Variants in PAK1 observed in about 807,000 individuals in gnomAD.
The protein encoded by PAK1 is p21 (RAC1) activated kinase 1.
Under a neutral mutation model 67.4 loss-of-function variants are expected in PAK1, and 29 were observed. That is an observed-to-expected ratio of 0.43 (90% CI 0.32 to 0.59). PAK1 has a LOEUF of 0.59. Ranked by LOEUF, PAK1 falls within the 20% of genes least tolerant of loss-of-function variation. The pLI is 0.07. For synonymous variants in PAK1, 223 were observed against 237.4 expected, an observed-to-expected ratio of 0.94 and a Z score of 0.56; for missense variants, 337 against 670.7, an observed-to-expected ratio of 0.50 and a Z score of 5.50.
intron 1 of PAK1, among the ~76,000 whole-genome samples, 198 bp from the exon 2 acceptor site, chr11:77,392,739 C>T (rs560541360): frequency 6.6e-6 from 1 of 152,302 alleles, no homozygotes; most frequent in African/African-American, 2.4e-5. Flanking sequence ...AATGAAAAAT[C>T]ACAATATCTT....
chr11:77,358,030 G>GT (rs1218058391), intron 6 of PAK1, among the ~76,000 whole-genome samples: 1 of 152,138 alleles, frequency 6.6e-6, no homozygotes, highest in Non-Finnish European at 1.5e-5. Flanking sequence ...GATTCTGTTT[G>GT]TAAGTTCTCA....
chr11:77,349,690 T>G (rs1944962792), intron 8 of PAK1: 1 of 162,810 alleles, frequency 6.1e-6, no homozygotes, highest in Non-Finnish European at 1.4e-5. Context: ...TAATTTCCTG[T>G]TCCTGCTTGC....
At chr11:77,351,748 T>TAA (rs368758694) in intron 8 of PAK1, among the ~76,000 whole-genome samples, 14 of 146,568 alleles carry the variant, frequency 9.6e-5, no homozygotes, top group African/African-American at 3.2e-4. Context: ...GTGTATAATT[T>TAA]AAAAAAAAAA....
At chr11:77,392,969 C>A (rs1287925991) in intron 1 of PAK1, among the ~76,000 whole-genome samples, 2 of 152,142 alleles carry the variant, frequency 1.3e-5, no homozygotes, top group African/African-American at 4.8e-5. Flanking sequence ...TCTCTGCCAA[C>A]CTCTAATTTT....
At chr11:77,390,917 T>C (rs944825370) in intron 2 of PAK1, among the ~76,000 whole-genome samples, 1 of 152,164 alleles carries the variant, frequency 6.6e-6, no homozygotes, top group South Asian at 2.1e-4. Context: ...TATTTCTCAT[T>C]TCACTTGTAC....
At chr11:77,426,163 G>A (rs1193253562) in intron 1 of PAK1, among the ~76,000 whole-genome samples, 1 of 149,266 alleles carries the variant, frequency 6.7e-6, no homozygotes, top group Non-Finnish European at 1.5e-5. Context: ...CTAGGAGTCA[G>A]AGGTCTCTGT....
intron 14 of PAK1, among the ~76,000 whole-genome samples, chr11:77,330,526 C>A (rs1203323606): frequency 2.0e-5 from 3 of 152,140 alleles, no homozygotes; most frequent in Non-Finnish European, 2.9e-5. Context: ...CAAAAACAAG[C>A]AATGGGGAAA....
At chr11:77,332,925 C>T in intron 13 of PAK1, 58 bp from the exon 14 acceptor site, 1 of 1,532,182 alleles carries the variant, frequency 6.5e-7, no homozygotes, top group Non-Finnish European at 9.0e-7. Flanking sequence ...TCTTGTTCCC[C>T]ATATACAAGT....
chr11:77,491,005 G>C, the PAK1 span, among the ~76,000 whole-genome samples: 2 of 151,984 alleles, frequency 1.3e-5, no homozygotes, highest in African/African-American at 4.8e-5. Context: ...AGGCCGAAGG[G>C]TCCTCTGCCT....
rs756965990 is a variant in PAK1 at position 77,332,702 on chromosome 11, A to T, written c.1551+28T>A. ...GCCTGGTTTAGTGATTCCCTGAATT[A>T]GGTGCTTCCCTGCATAAGGACAGTT... On this transcript the variant is annotated intron_variant, in intron 14 of 14. Coordinates refer to ENST00000356341, the MANE Select transcript of PAK1 (RefSeq NM_002576.5). The T allele has an allele frequency of 2.5e-6, 4 of 1,598,014 alleles. No homozygotes were observed. The East Asian group carries it at 9.0e-5, about 36-fold the overall frequency.
the PAK1 span, among the ~76,000 whole-genome samples, chr11:77,492,541 CTTTTTTTT>C: frequency 2.1e-4 from 22 of 106,122 alleles, no homozygotes; most frequent in African/African-American, 5.6e-4. Context: ...TGAGGTGGGT[CTTTTTTTT>C]TTTTTTTTTT....
chr11:77,426,078 CTTTTTTTT>C (rs35602138), intron 1 of PAK1, among the ~76,000 whole-genome samples: 1 of 117,238 alleles, frequency 8.5e-6, no homozygotes, highest in Non-Finnish European at 1.7e-5. Flanking sequence ...TTGAAGGCCT[CTTTTTTTT>C]TTTTTTTTTT....
intron 1 of PAK1, among the ~76,000 whole-genome samples, chr11:77,419,675 A>G (rs1955155181): frequency 6.6e-6 from 1 of 152,220 alleles, no homozygotes; most frequent in African/African-American, 2.4e-5. Context: ...ATAACTTTTA[A>G]AACAATATGT....
the PAK1 span, among the ~76,000 whole-genome samples, chr11:77,489,433 C>T: frequency 1.3e-5 from 2 of 151,494 alleles, no homozygotes; most frequent in Non-Finnish European, 3.0e-5. Flanking sequence ...TCTCTCCCCT[C>T]TCCCCTCTCC....
chr11:77,414,758 C>A (rs1294828757), intron 1 of PAK1, among the ~76,000 whole-genome samples: 1 of 152,164 alleles, frequency 6.6e-6, no homozygotes, highest in South Asian at 2.1e-4. Flanking sequence ...GGATCACAAA[C>A]CATTGCATTT....
chr11:77,443,326 A>C (rs1956445806), intron 1 of PAK1, among the ~76,000 whole-genome samples: 1 of 150,298 alleles, frequency 6.7e-6, no homozygotes, highest in African/African-American at 2.4e-5. Context: ...AAAAAAAAAG[A>C]ATTATACAAA....
upstream of PAK1, chr11:77,475,791 C>T (rs114510540): frequency 1.8e-4 from 28 of 152,320 alleles, no homozygotes; most frequent in African/African-American, 6.7e-4. Context: ...TATCTAATTT[C>T]TTGAGTTCCA....
chr11:77,322,104 G>A lies in PAK1; in HGVS notation c.*1170C>T, dbSNP rs142676310. The A allele has an allele frequency of 6.0e-4, 132 of 218,760 alleles. No individual in the cohort carries two copies. Among genetic ancestry groups the A allele is most frequent in the African/African-American group, 2.8e-3 (127 of 44,610 alleles). The allele number at this position is 218,760 out of a possible 1,614,324, so 13.6% of individuals were successfully genotyped here. A position where few individuals can be genotyped will look rare whatever the true frequency, so the allele number is the denominator to read the frequency against. ...TCAGAGCATGAGAAGGTAGTCAATGGGGCTGACATGACAAGCCACAATGCT... is the reference window on the plus strand; with the variant it reads ...TCAGAGCATGAGAAGGTAGTCAATGAGGCTGACATGACAAGCCACAATGCT... On this transcript the variant is annotated 3_prime_UTR_variant, in exon 15 of 15. Transcript: ENST00000356341.
At chr11:77,507,199 G>A in the PAK1 span, among the ~76,000 whole-genome samples, 1 of 152,164 alleles carries the variant, frequency 6.6e-6, no homozygotes, top group Non-Finnish European at 1.5e-5. Context: ...CTTTAAAAGA[G>A]TAACAGAGGA....
Sources: allele counts gnomAD v4.1 joint callset (sites outside exome capture counted in the v4.1 genomes callset), GRCh38; gene constraint gnomAD v4.1.1; transcripts MANE v1.5; gene names NCBI Gene and HGNC (gene_info 2026-07-23, HGNC 2026-07-21).